Variants in C14orf39 observed in about 807,000 individuals in gnomAD.
The protein encoded by C14orf39 is protein SIX6OS1.
A neutral mutation model predicts 85.6 loss-of-function variants in C14orf39; 66 were observed. The observed-to-expected ratio is 0.77, with a 90% CI of 0.63 to 0.95. The LOEUF is 0.95. Among genes scored for constraint, C14orf39 ranks in the 40% least tolerant of loss-of-function variants. The probability of loss-of-function intolerance (pLI) is 0.00; values close to 1 mark genes in which losing one functional copy is unlikely to be tolerated. For synonymous variants in C14orf39, 242 were observed against 214.0 expected, an observed-to-expected ratio of 1.13 and a Z score of -1.14; for missense variants, 735 against 663.9, an observed-to-expected ratio of 1.11 and a Z score of -1.18.
intron 16 of C14orf39, among the ~76,000 whole-genome samples, chr14:60,446,669 A>C (rs1890779777): frequency 6.6e-6 from 1 of 152,248 alleles, no homozygotes; most frequent in Admixed American, 6.5e-5. Flanking sequence ...AATCAATAGA[A>C]TAAAAGGGAA....
chr14:60,502,203 A>G (rs1258806052), intron 1 of C14orf39, among the ~76,000 whole-genome samples: 1 of 152,194 alleles, frequency 6.6e-6, no homozygotes, highest in African/African-American at 2.4e-5. Context: ...TGAGTATTGT[A>G]TCTTTATCTA....
chr14:60,437,058 T>G lies in C14orf39; in HGVS notation c.1562-11A>C. 1 of 1,562,036 alleles carries G rather than the reference T, an allele frequency of 6.4e-7. No individual in the cohort carries two copies. Among genetic ancestry groups the G allele is most frequent in the African/African-American group, 1.4e-5 (1 of 72,596 alleles). On this transcript the variant is annotated splice_polypyrimidine_tract_variant and intron_variant, in intron 17 of 17. Coordinates refer to ENST00000321731, the MANE Select transcript of C14orf39 (RefSeq NM_174978.3). ...TCTCAAGTAAGTTTCCTAAGGAAGATAAACATTACAATATCATGCTCTTCA... is the reference window on the plus strand; with the variant it reads ...TCTCAAGTAAGTTTCCTAAGGAAGAGAAACATTACAATATCATGCTCTTCA...
At chr14:60,455,499 A>T (rs999837421) in intron 15 of C14orf39, among the ~76,000 whole-genome samples, 1 of 152,106 alleles carries the variant, frequency 6.6e-6, no homozygotes, top group Non-Finnish European at 1.5e-5. Flanking sequence ...TCACGATTCA[A>T]AGTCCAAGCT....
chr14:60,479,446 G>A (rs924845551), intron 4 of C14orf39, among the ~76,000 whole-genome samples: 7 of 152,076 alleles, frequency 4.6e-5, no homozygotes, highest in Admixed American at 1.3e-4. Context: ...CTATGCTCTC[G>A]CTACCTGGGT....
chr14:60,459,489 T>G lies in C14orf39; in HGVS notation c.1118-750A>C, dbSNP rs77646759. Among the ~76,000 whole-genome samples, 1,045 of 151,762 alleles carry G rather than the reference T, an allele frequency of 6.9e-3. 7 individuals carry two copies. Among genetic ancestry groups the G allele is most frequent in the Middle Eastern group, 0.01 (3 of 294 alleles). Reference sequence around the variant, plus strand: ...GGTTGTACCAATTTTTCGTGGTAATTTGTCATTCTGAATTACTCCAGGAAA... The same window carrying G: ...GGTTGTACCAATTTTTCGTGGTAATGTGTCATTCTGAATTACTCCAGGAAA... On this transcript the variant is annotated intron_variant, in intron 13 of 17. Coordinates refer to ENST00000321731, the MANE Select transcript of C14orf39 (RefSeq NM_174978.3).
At chr14:60,498,472 T>A (rs1893098512) in intron 2 of C14orf39, among the ~76,000 whole-genome samples, 2 of 152,204 alleles carry the variant, frequency 1.3e-5, no homozygotes, top group South Asian at 4.1e-4. Context: ...TCCAGACAAT[T>A]TTCCAAACTC....
chr14:60,514,953 C>G (rs1292689613), intron 1 of C14orf39, among the ~76,000 whole-genome samples: 1 of 152,058 alleles, frequency 6.6e-6, no homozygotes, highest in Non-Finnish European at 1.5e-5. Flanking sequence ...TGACGGCGGC[C>G]GGGCGCTCGG....
intron 1 of C14orf39, among the ~76,000 whole-genome samples, chr14:60,504,690 G>T (rs554015615): frequency 5.9e-5 from 9 of 152,344 alleles, no homozygotes; most frequent in African/African-American, 2.2e-4. Context: ...AAGTAATGCA[G>T]TGATGTGGTT....
At chr14:60,508,303 G>T (rs3759689) in intron 1 of C14orf39, among the ~76,000 whole-genome samples, 2 of 152,126 alleles carry the variant, frequency 1.3e-5, no homozygotes, top group African/African-American at 4.8e-5. Flanking sequence ...TTAAGTTGCT[G>T]TCCTGACCTA....
chr14:60,455,007 T>C lies in C14orf39; in HGVS notation c.1497A>G (p.Ser499=), dbSNP rs1195912127. The C allele has an allele frequency of 2.6e-6, 4 of 1,540,964 alleles. No homozygotes were observed. The highest frequency in any genetic ancestry group is 3.5e-6 in the Non-Finnish European group (4 of 1,154,368). ...DSSVFDTEIS[S]DQFNEHYSAR... ...TTTTGGCTTCTCATATTACCTGATC[T>C]GATGAGATTTCTGTATCAAATACAG... The change falls in exon 16 of 18, where the codon TCA becomes TCG. Residue 499 remains serine (S), a synonymous_variant. Coordinates refer to ENST00000321731, the MANE Select transcript of C14orf39 (RefSeq NM_174978.3).
intron 13 of C14orf39, 113 bp downstream of exon 13, chr14:60,461,241 A>G: frequency 1.3e-6 from 1 of 789,410 alleles, no homozygotes. Context: ...CCAGGCGTGC[A>G]TGGTCAGTTA....
chr14:60,438,502 G>A (rs1236795761), intron 17 of C14orf39, among the ~76,000 whole-genome samples: 1 of 152,116 alleles, frequency 6.6e-6, no homozygotes, highest in Non-Finnish European at 1.5e-5. Context: ...AAACTCATAT[G>A]ATCACTGTAA....
chr14:60,466,782 C>T (rs1891808815), intron 10 of C14orf39, 135 bp downstream of exon 10: 1 of 504,530 alleles, frequency 2.0e-6, no homozygotes, highest in South Asian at 7.2e-5. Context: ...AGATTCAAAG[C>T]AGTACTCTCT....
At chr14:60,486,552 C>T (rs1000430450), upstream of C14orf39, among the ~76,000 whole-genome samples, 3 of 152,246 alleles carry the variant, frequency 2.0e-5, no homozygotes, top group Admixed American at 2.0e-4. Flanking sequence ...AAATAAAGTA[C>T]ATTTTCTGCC....
At position 60,513,769 on chromosome 14, in the gene C14orf39, G is replaced by A. The variant is rs184233508; in HGVS notation, c.-144+1626C>T. Among the ~76,000 whole-genome samples the A allele has an allele frequency of 1.1e-4, 17 of 152,254 alleles. No homozygotes were observed. The East Asian group carries it at 2.5e-3, about 22-fold the overall frequency. On this transcript the variant is annotated intron_variant, in intron 1 of 5. Transcript: ENST00000556799. ...CCATTCCGCAGTGTCAAGAAAATAGGGTAACTAAGAAACTAAGCTTTCTCT... is the reference window on the plus strand; with the variant it reads ...CCATTCCGCAGTGTCAAGAAAATAGAGTAACTAAGAAACTAAGCTTTCTCT...
chr14:60,513,621 T>G (rs1328480581), intron 1 of C14orf39, among the ~76,000 whole-genome samples: 1 of 152,202 alleles, frequency 6.6e-6, no homozygotes, highest in African/African-American at 2.4e-5. Flanking sequence ...CTTAAGTTTA[T>G]GCTTCCAAGT....
chr14:60,465,244 T>G (rs1316198209), intron 11 of C14orf39, among the ~76,000 whole-genome samples: 1 of 152,168 alleles, frequency 6.6e-6, no homozygotes, highest in Non-Finnish European at 1.5e-5. Context: ...TGAGTTTCAC[T>G]AATTACTTTG....
intron 4 of C14orf39, among the ~76,000 whole-genome samples, chr14:60,483,143 A>T (rs1047818323): frequency 6.6e-6 from 1 of 152,212 alleles, no homozygotes; most frequent in Non-Finnish European, 1.5e-5. Flanking sequence ...TAAAATTTTG[A>T]ATAACAAAAT....
chr14:60,481,907 G>C (rs767297017), intron 4 of C14orf39, among the ~76,000 whole-genome samples: 3 of 151,944 alleles, frequency 2.0e-5, no homozygotes, highest in Non-Finnish European at 4.4e-5. Flanking sequence ...TATCATTATA[G>C]GGTATTTTTC....
Sources: gnomAD v4.1 joint callset for allele counts (sites outside exome capture counted in the v4.1 genomes callset) on GRCh38, gnomAD v4.1.1 for gene constraint, MANE v1.5 for transcripts, NCBI Gene and HGNC (gene_info 2026-07-23, HGNC 2026-07-21) for gene names.